DONSON: variants seen among roughly 807,000 people sequenced by gnomAD.
The protein encoded by DONSON is protein downstream neighbor of Son.
A neutral mutation model predicts 62.1 loss-of-function variants in DONSON; 43 were observed. That is an observed-to-expected ratio of 0.69 (90% CI 0.54 to 0.89). The LOEUF is 0.89. Ranked by LOEUF, DONSON falls within the 40% of genes least tolerant of loss-of-function variation. DONSON has a pLI of 0.00. For synonymous variants in DONSON, 266 were observed against 264.6 expected (o/e 1.01, Z -0.05); for missense variants, 696 against 697.5 (o/e 1.00, Z 0.03).
intron 7 of DONSON, 47 bp downstream of exon 7, chr21:33,581,904 G>A (rs775990191): frequency 7.8e-6 from 12 of 1,533,384 alleles, no homozygotes; most frequent in East Asian, 2.2e-5. Context: ...TCTCACTAAC[G>A]TCATTCAATG....
chr21:33,587,743 GTT>G, intron 1 of DONSON, 141 bp from the exon 2 acceptor site: 2 of 568,808 alleles, frequency 3.5e-6, no homozygotes, highest in Non-Finnish European at 6.2e-6. Flanking sequence ...CAATCTATGA[GTT>G]TCAACACTTC....
chr21:33,586,326 TAA>T, intron 2 of DONSON, 145 bp from the exon 3 acceptor site: 1 of 723,344 alleles, frequency 1.4e-6, no homozygotes, highest in South Asian at 1.9e-5. Context: ...TTACACACTG[TAA>T]AAAAGTCTGA....
In DONSON at chr21:33,588,453, GC is replaced by G. The variant is rs1236063385; in HGVS notation, c.188del (p.Gly63AlafsTer47). On this transcript the variant is annotated frameshift_variant, in exon 1 of 10. Transcript: ENST00000303071. LOFTEE classifies it high-confidence loss of function. ...LPLRPFPAAGGRGGGSGGGPA... is the reference protein window; with the variant it reads ...LPLRPFPAAGXRGGGSGGGPA... ...GGCCGCCGCCGCTGCCACCGCCTCT[GC>G]CCCCCGCAGCAGGGAAAGGGCGAAG... 3.8e-6 allele frequency: 5 copies of G among 1,305,232 alleles called. No individual in the cohort carries two copies. The highest frequency in any genetic ancestry group is 3.6e-5 in the Admixed American group (1 of 27,622). 80.9% of individuals were successfully genotyped at this position (1,305,232 alleles called of 1,614,324 possible). A position where few individuals can be genotyped will look rare whatever the true frequency, so the allele number is the denominator to read the frequency against.
chr21:33,586,171 A>C lies in DONSON; in HGVS notation c.413T>G (p.Val138Gly), dbSNP rs776559036. The change falls in exon 3 of 10, where the codon GTA (valine) becomes GGA (glycine). Residue 138 changes from valine to glycine, a missense_variant. Val to Gly is a moderately radical substitution (Grantham distance 109, BLOSUM62 -3). Coordinates refer to ENST00000303071, the MANE Select transcript of DONSON (RefSeq NM_017613.4). ...CGGAATATCAGGCTCGGAGAATGATACATGTGAAGTCTTTAGAAAACAAAG... is the reference window on the plus strand; with the variant it reads ...CGGAATATCAGGCTCGGAGAATGATCCATGTGAAGTCTTTAGAAAACAAAG... ...TVTELPQTSHVSFSEPDIPSS... is the reference protein window; with the variant it reads ...TVTELPQTSHGSFSEPDIPSS... 1.2e-6 allele frequency: 2 copies of C among 1,614,134 alleles called. No homozygotes were observed. The highest frequency in any genetic ancestry group is 2.2e-5 in the South Asian group (2 of 91,076).
rs772689954 is a variant in DONSON, at chr21:33,582,037, A to C, written c.1065T>G (p.Asp355Glu). Residue 355 changes from aspartate to glutamate, a missense_variant, in exon 7 of 10, where the codon GAT becomes GAG. Asp to Glu is a conservative substitution (Grantham distance 45, BLOSUM62 2). Transcript: ENST00000303071. ...AGGAAAAACTTTCCTCTTCATCCTC[A>C]TCACTGATGGCTTGCTCCCTAGGAA... ...LGYGEEQAIS[D>E]EDEEESFSWL... 6.2e-7 allele frequency: 1 copy of C among 1,614,164 alleles called. No homozygotes were observed.
At chr21:33,587,770 A>C (rs1179731226) in intron 1 of DONSON, among the ~76,000 whole-genome samples, 168 bp from the exon 2 acceptor site, 3 of 152,164 alleles carry the variant, frequency 2.0e-5, no homozygotes, top group Admixed American at 6.5e-5. Flanking sequence ...TTGTGTCTGA[A>C]CTTTAGTATC....
chr21:33,581,871 T>C (rs1430743333), intron 7 of DONSON, 80 bp downstream of exon 7: 7 of 1,247,680 alleles, frequency 5.6e-6, no homozygotes, highest in African/African-American at 3.0e-5. Flanking sequence ...ATTATAATCA[T>C]ATAAAACTGC....
rs542296982 is a variant in DONSON, at chr21:33,583,575, G to A, written c.877C>T (p.Arg293Ter). Residue 293 changes from arginine to a stop codon, truncating the protein, a stop_gained, in exon 5 of 10, where the codon CGA (arginine) becomes TGA (stop). Coordinates refer to ENST00000303071, the MANE Select transcript of DONSON (RefSeq NM_017613.4). LOFTEE classifies it high-confidence loss of function. ...VCTYQFTVLF[R>*]AAGLAGSDLI... ...TCACTTCCAGCTAATCCTGCTGCTC[G>A]GAACAGGACAGTAAACTGATAGGTA... The A allele has an allele frequency of 3.0e-5, 48 of 1,613,976 alleles. No homozygotes were observed. The highest frequency in any genetic ancestry group is 3.6e-5 in the Non-Finnish European group (42 of 1,179,952).
intron 8 of DONSON, among the ~76,000 whole-genome samples, chr21:33,580,016 G>A (rs1175440322): frequency 1.3e-5 from 2 of 151,926 alleles, no homozygotes; most frequent in South Asian, 2.1e-4. Flanking sequence ...CCAACATGGT[G>A]AAACCTCGTC....
chr21:33,581,985 TATCTTGCACACCC>T lies in DONSON; in HGVS notation c.1104_1116del (p.Met368IlefsTer32). ...GAAAGTATGTCTGGCTTTTTAATTT[TATCTTGCACACCC>T]ATCTCTTCCAGCCAGGAAAAACTTT... On this transcript the variant is annotated frameshift_variant, in exon 7 of 10. Transcript: ENST00000303071. LOFTEE classifies it high-confidence loss of function. 3 of 1,614,176 alleles carry T rather than the reference TATCTTGCACACCC, an allele frequency of 1.9e-6. No individual in the cohort carries two copies. The highest frequency in any genetic ancestry group is 2.5e-6 in the Non-Finnish European group (3 of 1,180,016).
Position 33,587,536 on chromosome 21 carries a change from T to TA in DONSON, c.387dup (p.Thr130TyrfsTer2), listed in dbSNP as rs1421022370. ...AAAAGTATTACCTGAGGTAATTCAG[T>TA]AACAGTTGTTCTTTCAGGAAACTTC... On this transcript the variant is annotated frameshift_variant, in exon 2 of 10. Coordinates refer to ENST00000303071, the MANE Select transcript of DONSON (RefSeq NM_017613.4). LOFTEE classifies it high-confidence loss of function. 1 of 1,594,842 alleles carries TA rather than the reference T, an allele frequency of 6.3e-7. No homozygotes were observed.
intron 5 of DONSON, 56 bp from the exon 6 acceptor site, chr21:33,582,302 G>T: frequency 7.3e-7 from 1 of 1,375,370 alleles, no homozygotes; most frequent in Non-Finnish European, 1.0e-6. Flanking sequence ...TAACAGGCAT[G>T]CTGTACTTTT....
chr21:33,587,636 A>G, intron 1 of DONSON, 34 bp from the exon 2 acceptor site: 1 of 1,467,126 alleles, frequency 6.8e-7, no homozygotes. Context: ...TAAAATTTAA[A>G]GGATGCTGAA....
At chr21:33,586,250 C>A in intron 2 of DONSON, 69 bp from the exon 3 acceptor site, 1 of 1,265,826 alleles carries the variant, frequency 7.9e-7, no homozygotes, top group South Asian at 1.2e-5. Context: ...AAGATTTTAT[C>A]AGCTAACATG....
In DONSON at chr21:33,581,126, C is replaced by T; in HGVS notation, c.1350+176G>A. On this transcript the variant is annotated intron_variant, in intron 8 of 9. Coordinates refer to ENST00000303071, the MANE Select transcript of DONSON (RefSeq NM_017613.4). Reference sequence around the variant, plus strand: ...ATTTCATATAATTTATATATTTCCACATAATTTCTTTGATATAACTGTCTT... The same window carrying T: ...ATTTCATATAATTTATATATTTCCATATAATTTCTTTGATATAACTGTCTT... 5.4e-6 allele frequency: 3 copies of T among 558,282 alleles called. No individual in the cohort carries two copies. The South Asian group carries it at 8.0e-5, about 15-fold the overall frequency. 34.6% of individuals were successfully genotyped at this position (558,282 alleles called of 1,614,324 possible).
chr21:33,581,570 T>C (rs2086511429), intron 7 of DONSON, 70 bp from the exon 8 acceptor site: 1 of 1,299,742 alleles, frequency 7.7e-7, no homozygotes, highest in Non-Finnish European at 1.1e-6. Flanking sequence ...ATCTTGATTC[T>C]GAATCACCTG....
At chr21:33,580,333 A>G (rs780032368) in intron 8 of DONSON, among the ~76,000 whole-genome samples, 1 of 149,516 alleles carries the variant, frequency 6.7e-6, no homozygotes, top group Non-Finnish European at 1.5e-5. Flanking sequence ...CCGAGGGCAG[A>G]TCATGAGGTC....
chr21:33,577,709 A>C lies in DONSON; in HGVS notation c.*598T>G. On this transcript the variant is annotated 3_prime_UTR_variant, in exon 10 of 10. Coordinates refer to ENST00000303071, the MANE Select transcript of DONSON (RefSeq NM_017613.4). ...CACACACACACACACACACCCCTAT[A>C]AGCACATTAAATACTACTTTGCCGT... The C allele has an allele frequency of 6.9e-6, 1 of 145,144 alleles. No homozygotes were observed. Among genetic ancestry groups the C allele is most frequent in the African/African-American group, 2.6e-5 (1 of 38,324 alleles). 9.0% of individuals were successfully genotyped at this position (145,144 alleles called of 1,614,324 possible). A position where few individuals can be genotyped will look rare whatever the true frequency, so the allele number is the denominator to read the frequency against.
At position 33,581,140 on chromosome 21, in the gene DONSON, T is replaced by C. The variant is rs549398820; in HGVS notation, c.1350+162A>G. The C allele has an allele frequency of 6.4e-5, 38 of 595,100 alleles. 1 individual carries two copies. The South Asian group carries it at 9.4e-4, about 15-fold the overall frequency. 36.9% of individuals were successfully genotyped at this position (595,100 alleles called of 1,614,324 possible). The stretch of plus-strand genomic sequence containing the variant: ...ATATATTTCCACATAATTTCTTTGA[T>C]ATAACTGTCTTATATAATTTTTGTT... On this transcript the variant is annotated intron_variant, in intron 8 of 9. Transcript: ENST00000303071.
Sources: gnomAD v4.1 joint callset for allele counts (sites outside exome capture counted in the v4.1 genomes callset) on GRCh38, gnomAD v4.1.1 for gene constraint, MANE v1.5 for transcripts, NCBI Gene and HGNC (gene_info 2026-07-23, HGNC 2026-07-21) for gene names.